The following TTC23 variants were observed in gnomAD, a reference collection of about 807,000 sequenced individuals.
TTC23 encodes tetratricopeptide repeat protein 23.
A neutral mutation model predicts 55.1 loss-of-function variants in TTC23; 58 were observed. The observed-to-expected ratio is 1.05, with a 90% CI of 0.85 to 1.31. TTC23 has a LOEUF of 1.31. Among genes scored for constraint, TTC23 ranks in the 50% most tolerant of loss-of-function variants. TTC23 has a pLI of 0.00. For missense variants in TTC23, 516 were observed against 534.4 expected (o/e 0.97, Z 0.34); for synonymous variants, 203 against 199.9 (o/e 1.02, Z -0.13).
At position 99,198,214 on chromosome 15, in the gene TTC23, T is replaced by G. The variant is rs888586441; in HGVS notation, c.759+1705A>C. ...CTATTGTCATTTCCACTTGTACGCC[T>G]CACAGGCATCTCAGGCTCATCACCT... On this transcript the variant is annotated intron_variant, in intron 9 of 13. Coordinates refer to ENST00000394132, the MANE Select transcript of TTC23 (RefSeq NM_001288615.3). Among the ~76,000 whole-genome samples the G allele has an allele frequency of 3.3e-5, 5 of 152,182 alleles. No individual in the cohort carries two copies. The East Asian group carries it at 9.6e-4, about 29-fold the overall frequency.
chr15:99,144,901 T>C (rs2068652806), intron 12 of TTC23: 1 of 152,242 alleles, frequency 6.6e-6, no homozygotes, highest in Non-Finnish European at 1.5e-5. Flanking sequence ...AAATTGTGCT[T>C]CTGTTTTCAT....
At chr15:99,218,516 T>C (rs1160422022) in intron 8 of TTC23, 72 bp downstream of exon 8, 4 of 1,597,680 alleles carry the variant, frequency 2.5e-6, no homozygotes, top group Non-Finnish European at 3.4e-6. Context: ...ATGCTCCTCC[T>C]ACCTGAGACA....
At chr15:99,172,026 T>C (rs1684498953) in intron 10 of TTC23, among the ~76,000 whole-genome samples, 2 of 151,976 alleles carry the variant, frequency 1.3e-5, no homozygotes, top group South Asian at 4.1e-4. Flanking sequence ...TCACATTTTT[T>C]TTTTTTTTGG....
At chr15:99,209,880 G>A (rs916259465) in intron 8 of TTC23, among the ~76,000 whole-genome samples, 16 of 152,190 alleles carry the variant, frequency 1.1e-4, no homozygotes, top group African/African-American at 3.6e-4. Context: ...GACTACAGGT[G>A]TATGCTACAA....
intron 11 of TTC23, among the ~76,000 whole-genome samples, chr15:99,156,566 G>A (rs2070607652): frequency 6.6e-6 from 1 of 152,224 alleles, no homozygotes; most frequent in African/African-American, 2.4e-5. Flanking sequence ...CTTTCATAGG[G>A]CAGCAGGAGA....
intron 9 of TTC23, among the ~76,000 whole-genome samples, chr15:99,180,245 A>G (rs1259884823): frequency 6.6e-6 from 1 of 151,820 alleles, no homozygotes; most frequent in African/African-American, 2.4e-5. Flanking sequence ...CTGAGGAGGA[A>G]TGTTTAATAT....
At chr15:99,234,049 T>C (rs1036575444) in intron 4 of TTC23, among the ~76,000 whole-genome samples, 1 of 152,174 alleles carries the variant, frequency 6.6e-6, no homozygotes, top group Non-Finnish European at 1.5e-5. Context: ...AAATTGAACA[T>C]AGAGTTAAAT....
At chr15:99,214,141 G>C (rs779206236) in intron 8 of TTC23, among the ~76,000 whole-genome samples, 1 of 152,134 alleles carries the variant, frequency 6.6e-6, no homozygotes, top group African/African-American at 2.4e-5. Flanking sequence ...AAGAGACAGA[G>C]TTTTGCTTTG....
chr15:99,152,790 C>T (rs73480193), intron 12 of TTC23, among the ~76,000 whole-genome samples: 1 of 151,972 alleles, frequency 6.6e-6, no homozygotes, highest in African/African-American at 2.4e-5. Context: ...GGTGTAACAA[C>T]CACTCAAAAA....
At chr15:99,201,545 C>CT (rs1373790208) in intron 8 of TTC23, among the ~76,000 whole-genome samples, 1 of 152,180 alleles carries the variant, frequency 6.6e-6, no homozygotes, top group Non-Finnish European at 1.5e-5. Flanking sequence ...GAGGAATTAA[C>CT]TGATAGAAGT....
chr15:99,236,940 T>C (rs982939697), intron 3 of TTC23, among the ~76,000 whole-genome samples: 3 of 152,120 alleles, frequency 2.0e-5, no homozygotes, highest in Non-Finnish European at 4.4e-5. Context: ...TCTTACTAAG[T>C]TAAACATACG....
chr15:99,175,170 A>ACT lies in TTC23; in HGVS notation c.760-16_760-15insAG, dbSNP rs1177734962. 1.2e-6 allele frequency: 2 copies of ACT among 1,602,318 alleles called. No individual in the cohort carries two copies. The highest frequency in any genetic ancestry group is 1.7e-6 in the Non-Finnish European group (2 of 1,172,528). ...ATAAGATGTGCCTGTCACCACAGAA[A>ACT]GAAGAAACATGTTGTTTACATACTT... On this transcript the variant is annotated splice_polypyrimidine_tract_variant and intron_variant, in intron 9 of 13. Transcript: ENST00000394132.
At chr15:99,198,553 A>G (rs553548519) in intron 9 of TTC23, among the ~76,000 whole-genome samples, 112 of 152,294 alleles carry the variant, frequency 7.4e-4, no homozygotes, top group South Asian at 3.3e-3. Context: ...TCCCCAATCC[A>G]TTCTCTACAA....
chr15:99,144,551 T>G (rs1309302100), intron 12 of TTC23: 1 of 152,186 alleles, frequency 6.6e-6, no homozygotes, highest in African/African-American at 2.4e-5. Context: ...TAACATCTAT[T>G]GAGGAATTTC....
At chr15:99,162,424 A>C (rs2071498506) in intron 10 of TTC23, among the ~76,000 whole-genome samples, 1 of 152,232 alleles carries the variant, frequency 6.6e-6, no homozygotes, top group Admixed American at 6.5e-5. Context: ...ATGCATGCCA[A>C]TCTTGAATGC....
chr15:99,223,013 C>T (rs1360119204), intron 5 of TTC23, among the ~76,000 whole-genome samples: 1 of 152,138 alleles, frequency 6.6e-6, no homozygotes, highest in Non-Finnish European at 1.5e-5. Flanking sequence ...AACAAACAAA[C>T]AAAACCTCAG....
At chr15:99,171,559 C>CTT (rs35676358) in intron 10 of TTC23, among the ~76,000 whole-genome samples, 4,454 of 92,248 alleles carry the variant, frequency 0.048, 427 homozygotes, top group African/African-American at 0.12. Flanking sequence ...GTCTCTCCGT[C>CTT]TTTTTTTTTT....
chr15:99,182,248 T>TCTCTCTCACACACA (rs1286172224), intron 9 of TTC23, among the ~76,000 whole-genome samples: 4 of 108,690 alleles, frequency 3.7e-5, no homozygotes, highest in African/African-American at 1.5e-4. Flanking sequence ...TCTCTCTCTC[T>TCTCTCTCACACACA]CACACACACA....
chr15:99,206,425 A>G (rs1277777327), intron 8 of TTC23, among the ~76,000 whole-genome samples: 1 of 152,194 alleles, frequency 6.6e-6, no homozygotes, highest in Non-Finnish European at 1.5e-5. Flanking sequence ...TTTAGTACTG[A>G]AGCCATCAGA....
Sources: allele counts gnomAD v4.1 joint callset (sites outside exome capture counted in the v4.1 genomes callset), GRCh38; gene constraint gnomAD v4.1.1; transcripts MANE v1.5; gene names NCBI Gene and HGNC (gene_info 2026-07-23, HGNC 2026-07-21).